The following PIP4P2 variants were observed in gnomAD, a reference collection of about 807,000 sequenced individuals.
PIP4P2 encodes the protein phosphatidylinositol-4,5-bisphosphate 4-phosphatase 2, also known as type 2 phosphatidylinositol 4,5-bisphosphate 4-phosphatase.
A neutral mutation model predicts 33.3 loss-of-function variants in PIP4P2; 19 were observed. The observed-to-expected ratio is 0.57, with a 90% confidence interval of 0.40 to 0.84. The LOEUF (loss-of-function observed/expected upper bound fraction) is 0.84. Ranked by LOEUF, PIP4P2 falls within the 40% of genes least tolerant of loss-of-function variation. The pLI is 0.00. For missense variants in PIP4P2, 270 were observed against 324.7 expected, an observed-to-expected ratio of 0.83 and a Z score of 1.29; for synonymous variants, 110 against 111.9, an observed-to-expected ratio of 0.98 and a Z score of 0.11.
intron 1 of PIP4P2, among the ~76,000 whole-genome samples, chr8:91,032,795 A>G (rs1269358876): frequency 2.6e-5 from 4 of 151,708 alleles, no homozygotes; most frequent in Admixed American, 2.0e-4. Flanking sequence ...AAAAAAAAAA[A>G]AAAAAAGAAA....
chr8:91,034,936 T>C (rs1812216065), intron 1 of PIP4P2, among the ~76,000 whole-genome samples: 1 of 152,156 alleles, frequency 6.6e-6, no homozygotes, highest in African/African-American at 2.4e-5. Context: ...AACTAAGACC[T>C]TACCTAACTT....
chr8:91,013,784 T>C (rs1037868812), intron 4 of PIP4P2, among the ~76,000 whole-genome samples: 5 of 152,166 alleles, frequency 3.3e-5, no homozygotes. Context: ...GCCTCCCATG[T>C]TGGTCTCTCA....
At chr8:91,009,835 TA>T (rs1811808941) in intron 4 of PIP4P2, among the ~76,000 whole-genome samples, 2 of 151,968 alleles carry the variant, frequency 1.3e-5, no homozygotes, top group Admixed American at 6.6e-5. Flanking sequence ...TCTTCATTTT[TA>T]TTTCAAATCT....
chr8:91,002,680 A>G (rs973912737), intron 5 of PIP4P2, among the ~76,000 whole-genome samples: 2 of 152,218 alleles, frequency 1.3e-5, no homozygotes, highest in East Asian at 3.8e-4. Flanking sequence ...AGGAATAAGC[A>G]GCAGAATAAC....
intron 2 of PIP4P2, among the ~76,000 whole-genome samples, chr8:91,020,816 C>G (rs1586181936): frequency 6.6e-6 from 1 of 151,974 alleles, no homozygotes; most frequent in African/African-American, 2.4e-5. Flanking sequence ...TCACAAAAGC[C>G]CAGAAAAACA....
intron 4 of PIP4P2, among the ~76,000 whole-genome samples, chr8:91,014,945 A>G (rs538997283): frequency 6.6e-6 from 1 of 152,278 alleles, no homozygotes; most frequent in South Asian, 2.1e-4. Context: ...GGAAAAAAAC[A>G]GAAGTATTGA....
intron 1 of PIP4P2, 155 bp from the exon 2 acceptor site, chr8:91,021,559 C>T (rs1196766972): frequency 1.3e-6 from 1 of 777,288 alleles, no homozygotes; most frequent in Non-Finnish European, 2.0e-6. Flanking sequence ...ACTTTTAGAG[C>T]ACAAACATCC....
At chr8:91,010,313 A>C (rs1374334868) in intron 4 of PIP4P2, among the ~76,000 whole-genome samples, 5 of 151,912 alleles carry the variant, frequency 3.3e-5, no homozygotes, top group African/African-American at 1.2e-4. Flanking sequence ...TAGTTAAAAG[A>C]AGCAAACTGG....
intron 5 of PIP4P2, among the ~76,000 whole-genome samples, chr8:90,997,262 C>T (rs1376221836): frequency 6.6e-6 from 1 of 151,932 alleles, no homozygotes; most frequent in African/African-American, 2.4e-5. Flanking sequence ...TTGTACCTTA[C>T]CAATATATAG....
At position 90,995,567 on chromosome 8, in the gene PIP4P2, A is replaced by G; in HGVS notation, c.*110T>C. The G allele has an allele frequency of 1.5e-6, 2 of 1,342,102 alleles. No homozygotes were observed. Among genetic ancestry groups the G allele is most frequent in the Non-Finnish European group, 2.0e-6 (2 of 1,015,588 alleles). 83.1% of individuals were successfully genotyped at this position (1,342,102 alleles called of 1,614,324 possible). On this transcript the variant is annotated 3_prime_UTR_variant, in exon 7 of 7. Coordinates refer to ENST00000285419, the MANE Select transcript of PIP4P2 (RefSeq NM_018710.3). Reference sequence around the variant, plus strand: ...AGACTCCCAAAGTCTTGAAACGATTATACATAAACCAGAATGGAATCCATT... The same window carrying G: ...AGACTCCCAAAGTCTTGAAACGATTGTACATAAACCAGAATGGAATCCATT...
chr8:90,998,219 G>C (rs1811654856), intron 5 of PIP4P2, among the ~76,000 whole-genome samples: 1 of 151,996 alleles, frequency 6.6e-6, no homozygotes, highest in Non-Finnish European at 1.5e-5. Context: ...AGCCAACTAA[G>C]CTTATTAAAA....
chr8:91,007,188 G>A (rs554948290), intron 5 of PIP4P2, among the ~76,000 whole-genome samples: 1 of 152,044 alleles, frequency 6.6e-6, no homozygotes, highest in South Asian at 2.1e-4. Context: ...ACGTATTAAG[G>A]GTTTATCCAC....
At chr8:91,016,687 A>T (rs1412943645) in intron 4 of PIP4P2, 1 of 152,200 alleles carries the variant, frequency 6.6e-6, no homozygotes, top group Non-Finnish European at 1.5e-5. Context: ...ACCAAAATGA[A>T]GGAATAAACT....
Position 90,995,800 on chromosome 8 carries a change from T to G in PIP4P2, c.651A>C (p.Ala217=). The change falls in exon 7 of 7, where the codon GCA becomes GCC. Residue 217 remains alanine (A), a synonymous_variant. Transcript: ENST00000285419. ...AAACATAGGTTGCTCGAAATCGCCT[T>G]GCAAAATCTGGGGTGCCAACCTAAA... is the stretch of plus-strand genomic sequence containing the variant. ...VGLTVGTPDF[A]RRFRATYVSW... 1 of 1,605,916 alleles carries G rather than the reference T, an allele frequency of 6.2e-7. No individual in the cohort carries two copies. The highest frequency in any genetic ancestry group is 8.5e-7 in the Non-Finnish European group (1 of 1,177,576).
Position 91,012,826 on chromosome 8 carries a change from C to T in PIP4P2, c.487-4031G>A, listed in dbSNP as rs149939962. On this transcript the variant is annotated intron_variant, in intron 4 of 6. Transcript: ENST00000285419. ...TAATTTTCTTCTTGGGGAAAAATAT[C>T]TAAATGTACAAATTACTTTTTAATA... Among the ~76,000 whole-genome samples, 383 of 152,254 alleles carry T rather than the reference C, an allele frequency of 2.5e-3. 7 individuals are homozygous for T. Among genetic ancestry groups the T allele is most frequent in the Admixed American group, 0.018 (280 of 15,276 alleles).
intron 1 of PIP4P2, among the ~76,000 whole-genome samples, chr8:91,026,722 T>C (rs1812088164): frequency 6.6e-6 from 1 of 152,196 alleles, no homozygotes. Context: ...TCAGAAGTGA[T>C]CTCAGGAAAC....
intron 4 of PIP4P2, among the ~76,000 whole-genome samples, chr8:91,010,136 ATAT>A (rs1811812791): frequency 6.6e-6 from 1 of 151,962 alleles, no homozygotes; most frequent in Admixed American, 6.6e-5. Context: ...TGCTAAACAG[ATAT>A]TAATATAGAT....
At chr8:91,038,763 A>C (rs772545858) in intron 1 of PIP4P2, among the ~76,000 whole-genome samples, 4 of 152,220 alleles carry the variant, frequency 2.6e-5, no homozygotes, top group Non-Finnish European at 5.9e-5. Context: ...CTTCTTCCTT[A>C]GTAGGTGTTA....
intron 1 of PIP4P2, among the ~76,000 whole-genome samples, chr8:91,032,576 C>T (rs1812177876): frequency 1.3e-5 from 2 of 151,886 alleles, no homozygotes; most frequent in South Asian, 2.1e-4. Flanking sequence ...AGGTCAGGAG[C>T]TCGAGACCAG....
Sources: gnomAD v4.1 joint callset for allele counts (sites outside exome capture counted in the v4.1 genomes callset) on GRCh38, gnomAD v4.1.1 for gene constraint, MANE v1.5 for transcripts, NCBI Gene and HGNC (gene_info 2026-07-23, HGNC 2026-07-21) for gene names.